Variants in XRN2 observed in about 807,000 individuals in gnomAD.
XRN2 encodes DHM1-like protein.
Under a neutral mutation model 138.5 loss-of-function variants are expected in XRN2, and 44 were observed. The observed-to-expected ratio is 0.32, with a 90% CI of 0.25 to 0.41. XRN2 has a LOEUF of 0.41. XRN2 is among the 10% of genes least tolerant of loss of function. The pLI, the probability that XRN2 is intolerant of heterozygous loss-of-function variation, is 1.00. For synonymous variants in XRN2, 354 were observed against 369.4 expected (o/e 0.96, Z 0.48); for missense variants, 937 against 1,169.3 (o/e 0.80, Z 2.90).
chr20:21,342,887 C>G (rs191392931), intron 15 of XRN2, among the ~76,000 whole-genome samples: 1 of 152,180 alleles, frequency 6.6e-6, no homozygotes, highest in East Asian at 1.9e-4. Context: ...CAATACCTGC[C>G]TCGTTTTCCA....
At chr20:21,334,669 A>G (rs1184252043) in intron 13 of XRN2, among the ~76,000 whole-genome samples, 1 of 152,214 alleles carries the variant, frequency 6.6e-6, no homozygotes, top group African/African-American at 2.4e-5. Flanking sequence ...GAAATAAAAT[A>G]GCAAAGCATT....
intron 16 of XRN2, among the ~76,000 whole-genome samples, 170 bp downstream of exon 16, chr20:21,344,378 G>A (rs368396496): frequency 1.3e-5 from 2 of 152,202 alleles, no homozygotes; most frequent in African/African-American, 4.8e-5. Flanking sequence ...CCAGTGAGAT[G>A]TGTAAGCTGT....
intron 23 of XRN2, 91 bp downstream of exon 23, chr20:21,356,756 A>G (rs2038580346): frequency 6.4e-6 from 7 of 1,085,704 alleles, no homozygotes; most frequent in South Asian, 6.3e-5. Context: ...TTTTCTAATA[A>G]TAGTGAGAAA....
At chr20:21,373,828 C>CT (rs2122333933) in intron 27 of XRN2, among the ~76,000 whole-genome samples, 1 of 152,050 alleles carries the variant, frequency 6.6e-6, no homozygotes, top group East Asian at 1.9e-4. Flanking sequence ...ATTGGGTTGT[C>CT]TATCTTTTTG....
At chr20:21,387,063 C>G (rs887949331) in intron 29 of XRN2, 57 bp downstream of exon 29, 2 of 1,555,710 alleles carry the variant, frequency 1.3e-6, no homozygotes, top group South Asian at 2.4e-5. Flanking sequence ...ACAAGCCTCA[C>G]AGGACTCCGT....
intron 24 of XRN2, among the ~76,000 whole-genome samples, chr20:21,363,509 C>T (rs2038661072): frequency 6.6e-6 from 1 of 152,210 alleles, no homozygotes; most frequent in African/African-American, 2.4e-5. Flanking sequence ...TGCCCTGCCC[C>T]ATGCCATCTT....
chr20:21,380,407 A>G (rs570318766), intron 27 of XRN2, among the ~76,000 whole-genome samples: 5 of 152,216 alleles, frequency 3.3e-5, no homozygotes, highest in African/African-American at 7.2e-5. Context: ...AAGTTTTCCC[A>G]TAGAAATAAA....
intron 24 of XRN2, among the ~76,000 whole-genome samples, chr20:21,364,027 G>T (rs979336250): frequency 6.6e-6 from 1 of 152,058 alleles, no homozygotes; most frequent in African/African-American, 2.4e-5. Context: ...TGCCTCTCAG[G>T]TTCACACCAT....
At chr20:21,348,710 A>G (rs1471903292) in intron 19 of XRN2, among the ~76,000 whole-genome samples, 1 of 152,072 alleles carries the variant, frequency 6.6e-6, no homozygotes, top group Non-Finnish European at 1.5e-5. Flanking sequence ...CAGTGGCACC[A>G]TCGGCTCACT....
rs1394914599 is a variant in XRN2 at position 21,306,004 on chromosome 20, C to T, written c.75+2531C>T. 4.0e-5 allele frequency among the ~76,000 whole-genome samples: 3 copies of T among 74,378 alleles called. 1 individual carries two copies. The highest frequency in any genetic ancestry group is 9.4e-5 in the Non-Finnish European group (3 of 31,972). The allele number at this position is 74,378 out of a possible 152,430, so 48.8% of individuals were successfully genotyped here. On this transcript the variant is annotated intron_variant, in intron 1 of 29. Coordinates refer to ENST00000377191, the MANE Select transcript of XRN2 (RefSeq NM_012255.5). Reference sequence around the variant, plus strand: ...TGACCTTCTGATCCGCCTGCCTTGGCCTCCTTATTCTTAATTCTTAAGAAA... The same window carrying T: ...TGACCTTCTGATCCGCCTGCCTTGGTCTCCTTATTCTTAATTCTTAAGAAA...
intron 26 of XRN2, among the ~76,000 whole-genome samples, chr20:21,367,080 A>G (rs887236678): frequency 6.6e-6 from 1 of 152,152 alleles, no homozygotes; most frequent in Non-Finnish European, 1.5e-5. Context: ...GTGCTTGAAC[A>G]GTGGTATCTC....
At chr20:21,324,209 CTT>C (rs2038089364) in intron 1 of XRN2, among the ~76,000 whole-genome samples, 1 of 152,048 alleles carries the variant, frequency 6.6e-6, no homozygotes, top group Non-Finnish European at 1.5e-5. Context: ...CTGATCAAGC[CTT>C]TTTTTCTTGA....
chr20:21,332,787 GC>G (rs1395938456), intron 9 of XRN2, among the ~76,000 whole-genome samples: 1 of 150,674 alleles, frequency 6.6e-6, no homozygotes, highest in African/African-American at 2.4e-5. Flanking sequence ...TTCTGATATT[GC>G]CTATATCTAC....
chr20:21,354,369 A>G (rs887847541), intron 20 of XRN2, among the ~76,000 whole-genome samples: 5 of 152,188 alleles, frequency 3.3e-5, no homozygotes, highest in Non-Finnish European at 7.4e-5. Flanking sequence ...AAATGCTCTC[A>G]TTTTACAAAA....
At chr20:21,357,711 T>G (rs1413439856) in intron 23 of XRN2, 25 bp from the exon 24 acceptor site, 1 of 1,560,154 alleles carries the variant, frequency 6.4e-7, no homozygotes, top group Non-Finnish European at 8.7e-7. Context: ...TACAGAGAGA[T>G]GTTTCTTCTC....
chr20:21,321,143 G>T (rs1486696877), intron 1 of XRN2, among the ~76,000 whole-genome samples: 1 of 151,906 alleles, frequency 6.6e-6, no homozygotes, highest in Non-Finnish European at 1.5e-5. Context: ...AGCCTCCTGA[G>T]TAAGCTGGGA....
intron 28 of XRN2, among the ~76,000 whole-genome samples, chr20:21,385,135 TA>T (rs1481495166): frequency 2.6e-5 from 4 of 152,220 alleles, no homozygotes; most frequent in African/African-American, 9.6e-5. Flanking sequence ...TTTTGGAACA[TA>T]AAATAGTTTT....
intron 28 of XRN2, among the ~76,000 whole-genome samples, chr20:21,385,504 CTT>C (rs2038928427): frequency 1.3e-5 from 2 of 152,304 alleles, no homozygotes; most frequent in South Asian, 4.1e-4. Flanking sequence ...GAGATAAAAA[CTT>C]ATTTTTAATT....
intron 27 of XRN2, among the ~76,000 whole-genome samples, chr20:21,378,120 C>G (rs2122349519): frequency 6.6e-6 from 1 of 152,298 alleles, no homozygotes. Context: ...GTGTTTTAGC[C>G]AAGATGTTTT....
Sources: gnomAD v4.1 joint callset for allele counts (sites outside exome capture counted in the v4.1 genomes callset) on GRCh38, gnomAD v4.1.1 for gene constraint, MANE v1.5 for transcripts, NCBI Gene and HGNC (gene_info 2026-07-23, HGNC 2026-07-21) for gene names.